The following DMD variants were observed in gnomAD, a reference collection of about 807,000 sequenced individuals.
DMD encodes the protein mutant dystrophin.
A neutral mutation model predicts 330.1 loss-of-function variants in DMD; 63 were observed. The observed-to-expected ratio is 0.19, with a 90% CI of 0.16 to 0.24. The LOEUF (loss-of-function observed/expected upper bound fraction) is 0.24, where lower values mean the gene tolerates loss of function less well. DMD is among the 10% of genes least tolerant of loss of function. DMD has a pLI of 1.00. For missense variants in DMD, 3,344 were observed against 2,684.1 expected (o/e 1.25, Z -5.43); for synonymous variants, 1,223 against 959.8 (o/e 1.27, Z -5.07).
chrX:32,091,627 G>C (rs1272878518), intron 44 of DMD, among the ~76,000 whole-genome samples: 1 of 110,716 alleles, frequency 9.0e-6, no homozygotes, highest in African/African-American at 3.3e-5. Flanking sequence ...TAATCCACAG[G>C]TTTTTAAAGT....
intron 55 of DMD, among the ~76,000 whole-genome samples, chrX:31,600,520 T>TTG (rs200007509): frequency 0.016 from 1,636 of 101,329 alleles, 19 homozygotes; most frequent in East Asian, 0.036. Flanking sequence ...GTTTTTTTTT[T>TTG]TTTTTTTTTT....
chrX:32,899,374 GTGTT>G (rs2086019846), intron 2 of DMD, among the ~76,000 whole-genome samples: 1 of 111,264 alleles, frequency 9.0e-6, no homozygotes, highest in African/African-American at 3.3e-5. Flanking sequence ...ATCATAGAAA[GTGTT>G]TGTACTTAAT....
intron 49 of DMD, 23 bp from the exon 50 acceptor site, chrX:31,820,106 T>G: frequency 8.9e-7 from 1 of 1,117,999 alleles, no homozygotes; most frequent in Non-Finnish European, 1.2e-6. Flanking sequence ...AGCATACACA[T>G]TACTTATTCG....
intron 55 of DMD, among the ~76,000 whole-genome samples, chrX:31,536,864 A>G (rs985438029): frequency 1.1e-4 from 12 of 110,818 alleles, no homozygotes; most frequent in Non-Finnish European, 2.3e-4. Flanking sequence ...CCTCTCTACC[A>G]TCTTCTTCTC....
intron 61 of DMD, 95 bp downstream of exon 61, chrX:31,348,461 T>C (rs975367677): frequency 5.2e-6 from 4 of 769,123 alleles, no homozygotes; most frequent in Non-Finnish European, 7.8e-6. Context: ...AAAAGATTAC[T>C]ATAATTCAAC....
chrX:32,318,597 T>C (rs771606551), intron 41 of DMD, among the ~76,000 whole-genome samples: 1 of 110,737 alleles, frequency 9.0e-6, no homozygotes, highest in African/African-American at 3.3e-5. Flanking sequence ...CCCCTTCCTA[T>C]TGCATCATCT....
intron 60 of DMD, among the ~76,000 whole-genome samples, chrX:31,387,228 T>G (rs1405112833): frequency 9.0e-6 from 1 of 111,504 alleles, no homozygotes; most frequent in African/African-American, 3.3e-5. Context: ...TTTCTGTCAT[T>G]TTTTAAAAGG....
intron 60 of DMD, among the ~76,000 whole-genome samples, chrX:31,380,363 T>TC (rs371570993): frequency 2.8e-5 from 3 of 109,078 alleles, no homozygotes; most frequent in South Asian, 8.2e-4. Context: ...CTCCTTCACA[T>TC]CTCCCCTTGT....
chrX:31,440,629 A>G (rs761848277), intron 60 of DMD, among the ~76,000 whole-genome samples: 9 of 112,400 alleles, frequency 8.0e-5, no homozygotes, highest in Non-Finnish European at 1.5e-4. Flanking sequence ...GAATAATGAT[A>G]ATAGGTAATC....
rs777209816 is a variant in DMD at position 32,644,266 on chromosome X, A to T, written c.1197T>A (p.Ile399=). The change falls in exon 11 of 79, where the codon ATT becomes ATA. Residue 399 remains isoleucine, a synonymous_variant. Coordinates refer to ENST00000357033, the MANE Select transcript of DMD (RefSeq NM_004006.3). ...LTAHQGRVGN[I]LQLGSKLIGT... is the part of the protein sequence containing the mutation. The stretch of plus-strand genomic sequence containing the variant: ...CAATCAGCTTACTTCCCAATTGTAG[A>T]ATATTACCAACCCGGCCCTGATGGG... The T allele has an allele frequency of 8.3e-7, 1 of 1,211,284 alleles. No homozygotes were observed. The highest frequency in any genetic ancestry group is 2.2e-5 in the Admixed American group (1 of 45,972).
At chrX:32,432,670 T>C (rs1055923578) in intron 29 of DMD, among the ~76,000 whole-genome samples, 1 of 112,333 alleles carries the variant, frequency 8.9e-6, no homozygotes, top group Non-Finnish European at 1.9e-5. Context: ...AAAACTGTGC[T>C]CAAAAAGTAA....
chrX:31,854,310 TAAC>T (rs1326668169), intron 48 of DMD, among the ~76,000 whole-genome samples: 1 of 111,803 alleles, frequency 8.9e-6, no homozygotes, highest in African/African-American at 3.3e-5. Context: ...AAAAATAAAA[TAAC>T]AATGCATACT....
chrX:33,077,671 G>C (rs1197926828), intron 1 of DMD, among the ~76,000 whole-genome samples: 1 of 111,780 alleles, frequency 8.9e-6, no homozygotes, highest in Non-Finnish European at 1.9e-5. Flanking sequence ...CAGTGTTTAT[G>C]TGAATAGCCT....
intron 2 of DMD, among the ~76,000 whole-genome samples, chrX:32,888,608 A>C (rs1355787800): frequency 9.1e-6 from 1 of 109,546 alleles, no homozygotes; most frequent in African/African-American, 3.3e-5. Context: ...GAAGTTCTTC[A>C]AAAAAAAATA....
intron 43 of DMD, among the ~76,000 whole-genome samples, chrX:32,282,996 G>A (rs934971488): frequency 8.0e-5 from 9 of 111,953 alleles, no homozygotes; most frequent in Non-Finnish European, 1.7e-4. Context: ...ATTTGGCAAC[G>A]TAATTTGCTT....
intron 77 of DMD, among the ~76,000 whole-genome samples, chrX:31,133,096 A>G (rs898348210): frequency 1.8e-5 from 2 of 111,847 alleles, no homozygotes; most frequent in Non-Finnish European, 1.9e-5. Context: ...ACTGACACTG[A>G]ACAAAAAGAT....
intron 63 of DMD, among the ~76,000 whole-genome samples, chrX:31,230,476 G>A (rs2047083488): frequency 1.8e-5 from 2 of 110,249 alleles, no homozygotes; most frequent in Admixed American, 1.9e-4. Context: ...GTGAAACCCC[G>A]TCTCTATTAA....
chrX:31,162,985 C>A (rs2039019724), intron 74 of DMD, among the ~76,000 whole-genome samples: 1 of 112,019 alleles, frequency 8.9e-6, no homozygotes, highest in African/African-American at 3.2e-5. Context: ...CATTCTTACA[C>A]AGCTTCTTAA....
chrX:32,815,514 T>TAC (rs761584148), intron 6 of DMD, among the ~76,000 whole-genome samples: 22 of 62,933 alleles, frequency 3.5e-4, no homozygotes, highest in African/African-American at 1.2e-3. Flanking sequence ...TATATATATA[T>TAC]ATATATACAC....
Sources: gnomAD v4.1 joint callset for allele counts (sites outside exome capture counted in the v4.1 genomes callset) on GRCh38, gnomAD v4.1.1 for gene constraint, MANE v1.5 for transcripts, NCBI Gene and HGNC (gene_info 2026-07-23, HGNC 2026-07-21) for gene names.